The following MAP3K6 variants were observed in gnomAD, a reference collection of about 807,000 sequenced individuals.
MAP3K6 encodes the protein apoptosis signal-regulating kinase 2.
In MAP3K6, 105 loss-of-function variants were observed where a neutral mutation model predicts 147.1. The observed-to-expected ratio is 0.71, with a 90% CI of 0.61 to 0.84. The LOEUF is 0.84. Ranked by LOEUF, MAP3K6 falls within the 40% of genes least tolerant of loss-of-function variation. The pLI, the probability that MAP3K6 is intolerant of heterozygous loss-of-function variation, is 0.00. For missense variants in MAP3K6, 1,569 were observed against 1,715.0 expected, an observed-to-expected ratio of 0.91 and a Z score of 1.50; for synonymous variants, 695 against 732.4, an observed-to-expected ratio of 0.95 and a Z score of 0.82.
chr1:27,365,693 T>C (rs2015952474), intron 1 of MAP3K6, among the ~76,000 whole-genome samples: 1 of 137,268 alleles, frequency 7.3e-6, no homozygotes, highest in Non-Finnish European at 1.5e-5. Flanking sequence ...CCACTTAACC[T>C]AAGCTCCCTC....
intron 24 of MAP3K6, 51 bp from the exon 25 acceptor site, chr1:27,356,800 AC>A: frequency 6.6e-7 from 1 of 1,520,094 alleles, no homozygotes. Flanking sequence ...CCGTTTGGGA[AC>A]CCCAGACCCC....
chr1:27,364,396 T>C lies in MAP3K6; in HGVS notation c.505-2A>G. 1 of 1,613,468 alleles carries C rather than the reference T, an allele frequency of 6.2e-7. No individual in the cohort carries two copies. ...CAGTGTGTAGCTGCCAACGCAATCC[T>C]GGTGGGAGGGAGGCAGGAATCAGTG... On this transcript the variant is annotated splice_acceptor_variant, in intron 3 of 28. Coordinates refer to ENST00000357582, the MANE Select transcript of MAP3K6 (RefSeq NM_004672.5). LOFTEE classifies it high-confidence loss of function. The surrounding 1 kb of genome is among the most constrained non-coding windows in gnomAD (Gnocchi z 4.4).
rs148843380 is a variant in MAP3K6 at position 27,358,169 on chromosome 1, C to G, written c.2915+12G>C. 17,468 of 1,572,698 alleles carry G rather than the reference C, an allele frequency of 0.011. 129 individuals are homozygous for G. Among genetic ancestry groups the G allele is most frequent in the Non-Finnish European group, 0.014 (16,364 of 1,165,188 alleles). ...AGGCAAAAGGAACCCATCCCAGGAG[C>G]CTTGGTCTCACCGGAGCTGGCTGGT... On this transcript the variant is annotated intron_variant, in intron 21 of 28. Transcript: ENST00000357582. The surrounding 1 kb of genome is among the most constrained non-coding windows in gnomAD (Gnocchi z 6.2).
Position 27,356,735 on chromosome 1 carries a change from C to T in MAP3K6, c.3379G>A (p.Ala1127Thr), listed in dbSNP as rs1373831539. The T allele has an allele frequency of 6.4e-7, 1 of 1,569,058 alleles. No individual in the cohort carries two copies. Residue 1127 changes from alanine (A) to threonine (T), a missense_variant, in exon 25 of 29, where the codon GCG becomes ACG. By Grantham distance (58) the Ala-to-Thr change is moderately conservative. Transcript: ENST00000357582. ...GVLGPEVEKE[A>T]VSPRSEELSN... The stretch of plus-strand genomic sequence containing the variant: ...AGCTCCTCTGACCTCGGTGAGACCG[C>T]CTCCTTCTCCACCTCTGCAGCCCAG...
Position 27,356,979 on chromosome 1 carries a change from G to T in MAP3K6, c.3364+30C>A, listed in dbSNP as rs748424048. 5 of 1,600,764 alleles carry T rather than the reference G, an allele frequency of 3.1e-6. No individual in the cohort carries two copies. The African/African-American group carries it at 6.7e-5, about 21-fold the overall frequency. ...GCCCAGCAAGCACCACACCCTCGCTGGCAGGAGGCCCGTGGCATTCCCCTC... is the reference window on the plus strand; with the variant it reads ...GCCCAGCAAGCACCACACCCTCGCTTGCAGGAGGCCCGTGGCATTCCCCTC... On this transcript the variant is annotated intron_variant, in intron 24 of 28. Coordinates refer to ENST00000357582, the MANE Select transcript of MAP3K6 (RefSeq NM_004672.5).
rs1241263901 is a variant in MAP3K6 at position 27,360,603 on chromosome 1, GCCCGCCCACTAGGC to G, written c.2054+88_2054+101del. ...GGGCTCGAACTCTCAGGTCCTACGAGCCCGCCCACTAGGCCCCGCCCACAGGAGCCGCTCCGCTC... is the reference window on the plus strand; with the variant it reads ...GGGCTCGAACTCTCAGGTCCTACGAGCCCGCCCACAGGAGCCGCTCCGCTC... On this transcript the variant is annotated intron_variant, in intron 15 of 28. Coordinates refer to ENST00000357582, the MANE Select transcript of MAP3K6 (RefSeq NM_004672.5). The surrounding 1 kb of genome is among the most constrained non-coding windows in gnomAD (Gnocchi z 4.5). The G allele has an allele frequency of 4.1e-6, 6 of 1,474,456 alleles. No individual in the cohort carries two copies. Among genetic ancestry groups the G allele is most frequent in the African/African-American group, 2.8e-5 (2 of 71,482 alleles). 91.3% of individuals were successfully genotyped at this position (1,474,456 alleles called of 1,614,324 possible). A position where few individuals can be genotyped will look rare whatever the true frequency, so the allele number is the denominator to read the frequency against.
chr1:27,365,023 G>T, intron 1 of MAP3K6, 111 bp from the exon 2 acceptor site: 1 of 1,211,064 alleles, frequency 8.3e-7, no homozygotes. Flanking sequence ...GTAGGGTCTG[G>T]TTCTGCTTTG....
chr1:27,357,324 G>T, intron 23 of MAP3K6, 76 bp downstream of exon 23: 1 of 1,520,776 alleles, frequency 6.6e-7, no homozygotes, highest in Non-Finnish European at 8.9e-7. Flanking sequence ...GGAACGTCAA[G>T]TCCTGGCACC....
intron 24 of MAP3K6, 36 bp from the exon 25 acceptor site, chr1:27,356,785 A>C (rs778635588): frequency 7.9e-6 from 12 of 1,527,838 alleles, no homozygotes; most frequent in South Asian, 1.3e-5. Flanking sequence ...GCAAGGCTAC[A>C]ACGCCCGTTT....
Position 27,356,087 on chromosome 1 carries a change from G to A in MAP3K6, c.3650C>T (p.Thr1217Met), listed in dbSNP as rs777110745. 14 of 1,613,778 alleles carry A rather than the reference G, an allele frequency of 8.7e-6. No individual in the cohort carries two copies. The highest frequency in any genetic ancestry group is 2.2e-5 in the East Asian group (1 of 44,864). Residue 1217 changes from threonine (T) to methionine (M), a missense_variant, in exon 27 of 29, where the codon ACG becomes ATG. Transcript: ENST00000357582. ...TAGCCACTGCACCAGGCCCTGGTCC[G>A]TTGAAAGAGCAGCTGTCAAGAAGCA... ...LAPEPPTALS[T>M]DQGLVQWLQE...
At position 27,362,973 on chromosome 1, in the gene MAP3K6, C is replaced by T. The variant is rs757963307; in HGVS notation, c.1020G>A (p.Pro340=). The change falls in exon 7 of 29, where the codon CCG becomes CCA. Residue 340 remains proline (P), a synonymous_variant. Coordinates refer to ENST00000357582, the MANE Select transcript of MAP3K6 (RefSeq NM_004672.5). ...CCACAGAGCCCTCAAGCTGTACCAGCGGCAGCAGCACAGACAGGGCCTTCG... is the reference window on the plus strand; with the variant it reads ...CCACAGAGCCCTCAAGCTGTACCAGTGGCAGCAGCACAGACAGGGCCTTCG... ...DRAKALSVLL[P]LVQLEGSVAP... 1.7e-5 allele frequency: 27 copies of T among 1,613,924 alleles called. 1 individual carries two copies. The highest frequency in any genetic ancestry group is 1.5e-4 in the Admixed American group (9 of 60,002).
chr1:27,362,060 T>A (rs41303775), intron 9 of MAP3K6, 31 bp downstream of exon 9: 59,841 of 1,589,122 alleles, frequency 0.038, 1,346 homozygotes, highest in Non-Finnish European at 0.046. Flanking sequence ...ACAGCCCAGG[T>A]CAGGCCAAGA....
In MAP3K6 at chr1:27,355,474, G is replaced by A. The variant is rs768501911; in HGVS notation, c.3789-5C>T. 1 of 1,613,984 alleles carries A rather than the reference G, an allele frequency of 6.2e-7. No individual in the cohort carries two copies. On this transcript the variant is annotated splice_region_variant and splice_polypyrimidine_tract_variant and intron_variant, in intron 28 of 28. Transcript: ENST00000357582. ...ATGCGGCATACCATCCCTCCCCTGG[G>A]GGTAATGGACTCAGTGTGGCTCAGC...
Position 27,359,918 on chromosome 1 carries a change from G to A in MAP3K6, c.2259C>T (p.Arg753=). The A allele has an allele frequency of 6.2e-7, 1 of 1,614,148 alleles. No individual in the cohort carries two copies. The highest frequency in any genetic ancestry group is 8.5e-7 in the Non-Finnish European group (1 of 1,180,012). ...AGTAGCCAAGTCCCTGCAGGATCTG[G>A]CGGGTGTAGAAACTGATGGTGCTCT... The part of the protein sequence containing the change: ...DNESTISFYT[R]QILQGLGYLH... Residue 753 remains arginine, a synonymous_variant, in exon 17 of 29, where the codon CGC becomes CGT. Coordinates refer to ENST00000357582, the MANE Select transcript of MAP3K6 (RefSeq NM_004672.5). This position sits in a 1 kb window ranked among gnomAD's most constrained non-coding sequence, Gnocchi z 4.4.
chr1:27,357,156 A>G (rs888822384), intron 23 of MAP3K6, 42 bp from the exon 24 acceptor site: 2 of 1,559,524 alleles, frequency 1.3e-6, no homozygotes, highest in Non-Finnish European at 1.8e-6. Flanking sequence ...CTGAGCCTCA[A>G]CTAGAGGCAG....
intron 1 of MAP3K6, 150 bp from the exon 2 acceptor site, chr1:27,365,062 C>T (rs2015928702): frequency 2.5e-6 from 2 of 811,716 alleles, no homozygotes; most frequent in East Asian, 5.4e-5. Flanking sequence ...TTAGGGTTCC[C>T]CTGGCACTTT....
Position 27,364,971 on chromosome 1 carries a change from C to T in MAP3K6, c.341-59G>A, listed in dbSNP as rs960565597. The T allele has an allele frequency of 2.0e-5, 31 of 1,526,446 alleles. No homozygotes were observed. The highest frequency in any genetic ancestry group is 1.4e-4 in the East Asian group (6 of 43,846). 94.6% of individuals were successfully genotyped at this position (1,526,446 alleles called of 1,614,324 possible). ...AAGCCCAGCTTGATGGGGAAGGAGC[C>T]GGGGTCCATCCTGGCTTGACCTGCC... On this transcript the variant is annotated intron_variant, in intron 1 of 28. Coordinates refer to ENST00000357582, the MANE Select transcript of MAP3K6 (RefSeq NM_004672.5). This position sits in a 1 kb window ranked among gnomAD's most constrained non-coding sequence, Gnocchi z 4.4.
intron 7 of MAP3K6, 43 bp downstream of exon 7, chr1:27,362,808 C>T (rs1262234295): frequency 6.2e-7 from 1 of 1,611,702 alleles, no homozygotes; most frequent in Admixed American, 1.7e-5. Context: ...CACCACCCCT[C>T]ATCTCACAGC....
In MAP3K6 at chr1:27,357,035, C is replaced by G. The variant is rs760369095; in HGVS notation, c.3338G>C (p.Arg1113Pro). 1 of 1,613,994 alleles carries G rather than the reference C, an allele frequency of 6.2e-7. No individual in the cohort carries two copies. The highest frequency in any genetic ancestry group is 1.7e-5 in the Admixed American group (1 of 60,028). The change falls in exon 24 of 29, where the codon CGG (arginine) becomes CCG (proline). Residue 1113 changes from arginine to proline, a missense_variant. By Grantham distance (103) the Arg-to-Pro change is moderately radical. Transcript: ENST00000357582. The part of the protein sequence containing the change: ...VLDSLLSRAV[R>P]AALGVLGPEV... ...CGGTCCTAGCACACCCAGGGCTGCC[C>G]GCACAGCACGGCTGAGCAGTGAGTC...
Sources: allele counts gnomAD v4.1 joint callset (sites outside exome capture counted in the v4.1 genomes callset), GRCh38; gene constraint gnomAD v4.1.1; non-coding constraint Gnocchi (gnomAD v3.1); transcripts MANE v1.5; gene names NCBI Gene and HGNC (gene_info 2026-07-23, HGNC 2026-07-21).